SIL1: variants seen among roughly 807,000 people sequenced by gnomAD.
The protein encoded by SIL1 is nucleotide exchange factor SIL1.
Under a neutral mutation model 49.1 loss-of-function variants are expected in SIL1, and 40 were observed. That is an observed-to-expected ratio of 0.81 (90% CI 0.63 to 1.06). The LOEUF is 1.06. Ranked by LOEUF, SIL1 falls within the 50% of genes least tolerant of loss-of-function variation. The probability of loss-of-function intolerance (pLI) is 0.00; values close to 1 mark genes in which losing one functional copy is unlikely to be tolerated. For missense variants in SIL1, 500 were observed against 572.6 expected (o/e 0.87, Z 1.29); for synonymous variants, 253 against 250.8 (o/e 1.01, Z -0.08).
intron 2 of SIL1, among the ~76,000 whole-genome samples, chr5:139,123,996 C>T (rs954192049): frequency 2.0e-5 from 3 of 152,130 alleles, no homozygotes; most frequent in African/African-American, 4.8e-5. Flanking sequence ...GCAATCCTCC[C>T]TCCTCTGCCT....
At chr5:139,074,814 C>G (rs1769909429) in intron 3 of SIL1, among the ~76,000 whole-genome samples, 1 of 138,570 alleles carries the variant, frequency 7.2e-6, no homozygotes, top group African/African-American at 2.4e-5. Flanking sequence ...ATCTCTTTCT[C>G]TCTCTGTCTT....
intron 7 of SIL1, among the ~76,000 whole-genome samples, chr5:138,960,878 C>T (rs1020341558): frequency 3.9e-5 from 6 of 152,220 alleles, no homozygotes; most frequent in Admixed American, 3.3e-4. Context: ...ATCTGCCAGC[C>T]TGGCAAATCT....
chr5:139,072,649 G>C (rs1051873569), intron 3 of SIL1, among the ~76,000 whole-genome samples: 1 of 152,194 alleles, frequency 6.6e-6, no homozygotes, highest in Non-Finnish European at 1.5e-5. Flanking sequence ...ACATTAGTCT[G>C]AGAATGACTT....
intron 7 of SIL1, among the ~76,000 whole-genome samples, chr5:138,964,545 C>A (rs1767093022): frequency 6.6e-6 from 1 of 152,200 alleles, no homozygotes; most frequent in African/African-American, 2.4e-5. Flanking sequence ...GAATCACCTT[C>A]CACAGACTCT....
chr5:139,169,399 G>A (rs1339590265), intron 1 of SIL1, among the ~76,000 whole-genome samples: 1 of 151,764 alleles, frequency 6.6e-6, no homozygotes, highest in African/African-American at 2.4e-5. Flanking sequence ...GTCCAGTTTT[G>A]AACCCAAAAC....
intron 7 of SIL1, among the ~76,000 whole-genome samples, chr5:138,995,465 T>C (rs1767845608): frequency 6.6e-6 from 1 of 152,078 alleles, no homozygotes; most frequent in Non-Finnish European, 1.5e-5. Context: ...GGTCTCAAAC[T>C]CCCGACCTCA....
intron 7 of SIL1, chr5:139,013,931 C>A (rs1294420851): frequency 6.6e-6 from 1 of 152,138 alleles, no homozygotes; most frequent in African/African-American, 2.4e-5. Flanking sequence ...TTGGTGACTT[C>A]AATTTTTGTG....
chr5:139,137,395 A>G (rs1268694409), intron 1 of SIL1: 2 of 701,422 alleles, frequency 2.9e-6, no homozygotes, highest in Non-Finnish European at 5.2e-6. Flanking sequence ...CCCCAAAGCC[A>G]TGCTCTTTCC....
intron 7 of SIL1, among the ~76,000 whole-genome samples, chr5:139,003,644 T>C (rs957044315): frequency 2.0e-5 from 3 of 152,162 alleles, no homozygotes; most frequent in Non-Finnish European, 2.9e-5. Flanking sequence ...AAATATTTTA[T>C]GATGAGCATA....
chr5:138,969,562 A>C (rs1340537642), intron 7 of SIL1, among the ~76,000 whole-genome samples: 1 of 152,224 alleles, frequency 6.6e-6, no homozygotes, highest in Non-Finnish European at 1.5e-5. Flanking sequence ...AGCCACTCAC[A>C]GTCAGCTCTG....
intron 3 of SIL1, among the ~76,000 whole-genome samples, chr5:139,098,019 C>A (rs1770507690): frequency 6.6e-6 from 1 of 152,032 alleles, no homozygotes; most frequent in South Asian, 2.1e-4. Flanking sequence ...TCCATAGTAC[C>A]CAAAGCAATC....
intron 1 of SIL1, among the ~76,000 whole-genome samples, chr5:139,166,960 C>G (rs1751636135): frequency 6.6e-6 from 1 of 152,186 alleles, no homozygotes; most frequent in African/African-American, 2.4e-5. Context: ...AGGCACCCAC[C>G]ACCACGCCCG....
At chr5:139,138,182 CACGT>C (rs1207751672) in intron 1 of SIL1, among the ~76,000 whole-genome samples, 1 of 152,110 alleles carries the variant, frequency 6.6e-6, no homozygotes, top group Non-Finnish European at 1.5e-5. Flanking sequence ...CCACACACAC[CACGT>C]ATATACACAC....
chr5:138,987,243 G>A (rs904057077), intron 7 of SIL1, among the ~76,000 whole-genome samples: 2 of 151,696 alleles, frequency 1.3e-5, no homozygotes, highest in Non-Finnish European at 2.9e-5. Context: ...CCAAGTAGCT[G>A]GGACTACAGG....
intron 9 of SIL1, 64 bp downstream of exon 9, chr5:138,951,107 G>C (rs1766761938): frequency 6.4e-7 from 1 of 1,559,534 alleles, no homozygotes; most frequent in African/African-American, 1.4e-5. Context: ...CCATCTGTCT[G>C]TCCATCCACC....
chr5:139,053,745 G>A (rs915367016), intron 3 of SIL1, among the ~76,000 whole-genome samples: 1 of 152,098 alleles, frequency 6.6e-6, no homozygotes, highest in Admixed American at 6.6e-5. Context: ...CCCACCCTCA[G>A]CCTCCATCTC....
At chr5:138,987,147 G>C (rs544086605) in intron 7 of SIL1, among the ~76,000 whole-genome samples, 1 of 136,304 alleles carries the variant, frequency 7.3e-6, no homozygotes, top group African/African-American at 2.8e-5. Flanking sequence ...TTGAGACAGG[G>C]CCTGGCTCTG....
chr5:138,967,321 GC>G (rs1307918398), intron 7 of SIL1, among the ~76,000 whole-genome samples: 1 of 152,172 alleles, frequency 6.6e-6, no homozygotes, highest in Non-Finnish European at 1.5e-5. Flanking sequence ...GAGGGGCCTG[GC>G]CATCTGCATT....
chr5:139,196,051 C>T (rs1752264677), intron 1 of SIL1, among the ~76,000 whole-genome samples: 1 of 152,096 alleles, frequency 6.6e-6, no homozygotes, highest in Admixed American at 6.6e-5. Context: ...TTAGCTGGGC[C>T]TGGTGGTGCG....
Sources: gnomAD v4.1 joint callset for allele counts (sites outside exome capture counted in the v4.1 genomes callset) on GRCh38, gnomAD v4.1.1 for gene constraint, MANE v1.5 for transcripts, NCBI Gene and HGNC (gene_info 2026-07-23, HGNC 2026-07-21) for gene names.